The following HSD17B3 variants were observed in gnomAD, a reference collection of about 807,000 sequenced individuals.
HSD17B3 encodes 17-beta-hydroxysteroid dehydrogenase type 3.
Under a neutral mutation model 41.1 loss-of-function variants are expected in HSD17B3, and 29 were observed. The observed-to-expected ratio is 0.71, with a 90% CI of 0.53 to 0.96. The LOEUF is 0.96. HSD17B3 is among the 40% of genes least tolerant of loss of function. HSD17B3 has a pLI of 0.00. For missense variants in HSD17B3, 323 were observed against 374.6 expected, an observed-to-expected ratio of 0.86 and a Z score of 1.14; for synonymous variants, 126 against 145.6, an observed-to-expected ratio of 0.87 and a Z score of 0.97.
intron 2 of HSD17B3, among the ~76,000 whole-genome samples, chr9:96,294,266 A>C (rs59648652): frequency 0.032 from 4,852 of 152,198 alleles, 264 homozygotes; most frequent in African/African-American, 0.11. Flanking sequence ...AAAAAAATTA[A>C]ATAAAAAGGC....
At chr9:96,278,882 G>A (rs1487947153) in intron 2 of HSD17B3, among the ~76,000 whole-genome samples, 3 of 152,120 alleles carry the variant, frequency 2.0e-5, no homozygotes. Flanking sequence ...CATCAAGCTG[G>A]ATCAAAGAGT....
intron 10 of HSD17B3, among the ~76,000 whole-genome samples, chr9:96,240,061 G>A (rs1004761918): frequency 2.6e-5 from 4 of 151,704 alleles, no homozygotes; most frequent in Non-Finnish European, 4.4e-5. Context: ...ATCACACACC[G>A]GGGCCTGTCG....
At chr9:96,253,811 A>G (rs1825521487) in intron 3 of HSD17B3, among the ~76,000 whole-genome samples, 1 of 152,166 alleles carries the variant, frequency 6.6e-6, no homozygotes, top group Non-Finnish European at 1.5e-5. Flanking sequence ...ACATTTCAGC[A>G]TTGTGAGGCA....
intron 2 of HSD17B3, among the ~76,000 whole-genome samples, chr9:96,267,364 G>A (rs1353980165): frequency 6.6e-6 from 1 of 151,750 alleles, no homozygotes; most frequent in East Asian, 1.9e-4. Flanking sequence ...CACCATGTTG[G>A]CCAGGCTGGT....
intron 6 of HSD17B3, among the ~76,000 whole-genome samples, chr9:96,247,624 G>A (rs1297323181): frequency 6.6e-6 from 1 of 152,224 alleles, no homozygotes; most frequent in Non-Finnish European, 1.5e-5. Context: ...GATGAGGGGC[G>A]AGATAGTGTC....
intron 2 of HSD17B3, among the ~76,000 whole-genome samples, chr9:96,266,647 G>C (rs73545336): frequency 0.044 from 6,643 of 152,194 alleles, 498 homozygotes; most frequent in African/African-American, 0.15. Context: ...AGTAAGCTGA[G>C]AACTGACAAA....
rs562149837 is a variant in HSD17B3, at chr9:96,298,806, T to C, written c.155-344A>G. On this transcript the variant is annotated intron_variant, in intron 1 of 10. Coordinates refer to ENST00000375263, the MANE Select transcript of HSD17B3 (RefSeq NM_000197.2). ...TGCAGGCCCCATGAGGATGCAGATATTGTGAGCCTTCACCCCACAAGGGCA... is the reference window on the plus strand; with the variant it reads ...TGCAGGCCCCATGAGGATGCAGATACTGTGAGCCTTCACCCCACAAGGGCA... Among the ~76,000 whole-genome samples the C allele has an allele frequency of 2.0e-5, 3 of 152,266 alleles. No homozygotes were observed. In the East Asian group the frequency reaches 5.8e-4, roughly 29 times the overall value.
intron 5 of HSD17B3, 48 bp downstream of exon 5, chr9:96,251,370 C>T: frequency 6.5e-7 from 1 of 1,547,634 alleles, no homozygotes; most frequent in Non-Finnish European, 8.9e-7. Context: ...GCCAGGGGAC[C>T]CAGAACCTGG....
intron 8 of HSD17B3, among the ~76,000 whole-genome samples, chr9:96,245,052 G>A (rs760407988): frequency 6.6e-6 from 1 of 152,124 alleles, no homozygotes; most frequent in African/African-American, 2.4e-5. Context: ...AGTCTGGAAG[G>A]AAGCTACAGT....
At chr9:96,241,142 AAC>A (rs986431561) in intron 9 of HSD17B3, among the ~76,000 whole-genome samples, 9 of 152,188 alleles carry the variant, frequency 5.9e-5, no homozygotes, top group African/African-American at 1.9e-4. Flanking sequence ...TGCCCTGCCC[AAC>A]ACACAGTGTG....
At chr9:96,271,427 G>T (rs142206329) in intron 2 of HSD17B3, among the ~76,000 whole-genome samples, 2 of 152,292 alleles carry the variant, frequency 1.3e-5, no homozygotes, top group African/African-American at 4.8e-5. Flanking sequence ...GCTAAAACTT[G>T]TTCTCTCCTT....
At chr9:96,281,248 T>A (rs1826679480) in intron 2 of HSD17B3, among the ~76,000 whole-genome samples, 1 of 152,024 alleles carries the variant, frequency 6.6e-6, no homozygotes, top group African/African-American at 2.4e-5. Flanking sequence ...GTAACATCTT[T>A]CTCACTAACC....
chr9:96,251,647 C>A (rs1432591616), intron 4 of HSD17B3, among the ~76,000 whole-genome samples, 162 bp from the exon 5 acceptor site: 1 of 152,096 alleles, frequency 6.6e-6, no homozygotes, highest in Non-Finnish European at 1.5e-5. Context: ...ATAGGAGACA[C>A]CTTCAATGAA....
At chr9:96,288,944 A>ATT (rs1827039620) in intron 2 of HSD17B3, among the ~76,000 whole-genome samples, 1 of 151,692 alleles carries the variant, frequency 6.6e-6, no homozygotes, top group Non-Finnish European at 1.5e-5. Context: ...CTCAAAAAAA[A>ATT]AAAAAAAATT....
intron 2 of HSD17B3, among the ~76,000 whole-genome samples, chr9:96,292,738 T>C (rs1244011402): frequency 6.6e-6 from 1 of 152,208 alleles, no homozygotes; most frequent in Non-Finnish European, 1.5e-5. Context: ...CAAGAATCAT[T>C]GTATTTAAAC....
intron 10 of HSD17B3, among the ~76,000 whole-genome samples, chr9:96,236,360 G>A (rs1836238793): frequency 6.6e-6 from 1 of 151,298 alleles, no homozygotes; most frequent in Admixed American, 6.6e-5. Flanking sequence ...CTACTAAAAA[G>A]ACAAAAATTA....
intron 2 of HSD17B3, among the ~76,000 whole-genome samples, chr9:96,284,825 A>G (rs1826845781): frequency 6.9e-6 from 1 of 144,738 alleles, no homozygotes; most frequent in Non-Finnish European, 1.5e-5. Flanking sequence ...TATGGAACAG[A>G]GTTTCATCAA....
chr9:96,235,465 T>G lies in HSD17B3; in HGVS notation c.928A>C (p.Arg310=), dbSNP rs746120771. 1.5e-5 allele frequency: 24 copies of G among 1,612,114 alleles called. No individual in the cohort carries two copies. Among genetic ancestry groups the G allele is most frequent in the Non-Finnish European group, 1.8e-5 (21 of 1,178,562 alleles). ...CTGGACTCCTCACCGCCTGGCTACC[T>G]GACCTTGGTGTTGAGCTTCAGGTAT... ...VAYLKLNTKV[R] is the part of the protein sequence containing the mutation. The change falls in exon 11 of 11, where the codon AGG becomes CGG. Residue 310 remains arginine, a synonymous_variant. Coordinates refer to ENST00000375263, the MANE Select transcript of HSD17B3 (RefSeq NM_000197.2).
chr9:96,275,604 A>G (rs1348365483), intron 2 of HSD17B3, among the ~76,000 whole-genome samples: 2 of 151,688 alleles, frequency 1.3e-5, no homozygotes, highest in Non-Finnish European at 2.9e-5. Flanking sequence ...AAAAAAGCAA[A>G]CTCTTTCTAC....
Sources: allele counts gnomAD v4.1 joint callset (sites outside exome capture counted in the v4.1 genomes callset), GRCh38; gene constraint gnomAD v4.1.1; transcripts MANE v1.5; gene names NCBI Gene and HGNC (gene_info 2026-07-23, HGNC 2026-07-21).